The following DPYSL2 variants were observed in gnomAD, a reference collection of about 807,000 sequenced individuals.
The protein encoded by DPYSL2 is dihydropyrimidinase-related protein 2.
Under a neutral mutation model 69.9 loss-of-function variants are expected in DPYSL2, and 13 were observed. That is an observed-to-expected ratio of 0.19 (90% confidence interval 0.12 to 0.30). The LOEUF is 0.30. Among genes scored for constraint, DPYSL2 ranks in the 10% least tolerant of loss-of-function variants. The pLI, the probability that DPYSL2 is intolerant of heterozygous loss-of-function variation, is 1.00. For synonymous variants in DPYSL2, 326 were observed against 359.1 expected (o/e 0.91, Z 1.04); for missense variants, 587 against 918.9 (o/e 0.64, Z 4.67).
intron 1 of DPYSL2, among the ~76,000 whole-genome samples, chr8:26,520,546 C>T (rs780337361): frequency 1.1e-4 from 16 of 151,516 alleles, no homozygotes; most frequent in Non-Finnish European, 2.1e-4. Flanking sequence ...ATGAATGTGC[C>T]CTAAATTGCT....
intron 1 of DPYSL2, among the ~76,000 whole-genome samples, chr8:26,575,912 GGACT>G (rs1414134956): frequency 6.6e-6 from 1 of 152,066 alleles, no homozygotes; most frequent in African/African-American, 2.4e-5. Flanking sequence ...CGCAAAGCTG[GGACT>G]GACTGTTGGT....
At chr8:26,612,087 A>G (rs1802242367) in intron 3 of DPYSL2, among the ~76,000 whole-genome samples, 1 of 152,260 alleles carries the variant, frequency 6.6e-6, no homozygotes, top group Non-Finnish European at 1.5e-5. Context: ...TCTCTCATGT[A>G]GGACTCAGTC....
chr8:26,565,813 G>T lies in DPYSL2; in HGVS notation c.355-16156G>T, dbSNP rs1208823900. On this transcript the variant is annotated intron_variant, in intron 1 of 13. Transcript: ENST00000521913. The surrounding 1 kb of genome is among the most constrained non-coding windows in gnomAD (Gnocchi z 4.1). ...AATTAACTGGAAAGTCAAACTGCTGGTGGTTCTAACATCTTCAACACACAG... is the reference window on the plus strand; with the variant it reads ...AATTAACTGGAAAGTCAAACTGCTGTTGGTTCTAACATCTTCAACACACAG... Among the ~76,000 whole-genome samples the T allele has an allele frequency of 6.6e-6, 1 of 152,180 alleles. No individual in the cohort carries two copies. The highest frequency in any genetic ancestry group is 1.5e-5 in the Non-Finnish European group (1 of 68,032).
intron 3 of DPYSL2, among the ~76,000 whole-genome samples, chr8:26,600,674 G>C (rs1801970733): frequency 1.3e-5 from 2 of 152,130 alleles, no homozygotes; most frequent in Admixed American, 1.3e-4. Flanking sequence ...TGTTTGCAGA[G>C]ATGAGAATGA....
At chr8:26,550,748 C>T (rs1359927942) in intron 1 of DPYSL2, among the ~76,000 whole-genome samples, 1 of 152,080 alleles carries the variant, frequency 6.6e-6, no homozygotes, top group Non-Finnish European at 1.5e-5. Context: ...GCTGGAGAAC[C>T]AGGGAAGCTG....
intron 3 of DPYSL2, among the ~76,000 whole-genome samples, chr8:26,600,453 C>T (rs1471385389): frequency 6.6e-6 from 1 of 152,192 alleles, no homozygotes; most frequent in Non-Finnish European, 1.5e-5. Context: ...TCCTTGCCAA[C>T]ACTTGCTATT....
In DPYSL2 at chr8:26,565,077, C is replaced by T. The variant is rs575806499; in HGVS notation, c.355-16892C>T. Among the ~76,000 whole-genome samples the T allele has an allele frequency of 3.9e-5, 6 of 152,244 alleles. No homozygotes were observed. The highest frequency in any genetic ancestry group is 1.2e-4 in the African/African-American group (5 of 41,542). ...CTTAGAATAATGGCTTCCAGCTCCA[C>T]CCGAATTACTGCAAAAGATATTATA... On this transcript the variant is annotated intron_variant, in intron 1 of 13. Transcript: ENST00000521913. This position sits in a 1 kb window ranked among gnomAD's most constrained non-coding sequence, Gnocchi z 4.1.
At position 26,598,552 on chromosome 8, in the gene DPYSL2, C is replaced by T. The variant is rs1414580796; in HGVS notation, c.628+14569C>T. Among the ~76,000 whole-genome samples, 2 of 152,228 alleles carry T rather than the reference C, an allele frequency of 1.3e-5. No individual in the cohort carries two copies. Among genetic ancestry groups the T allele is most frequent in the East Asian group, 3.8e-4 (2 of 5,196 alleles). ...CCAGCAGAAAGCACCAGGAGACACC[C>T]GATGTGCCCCCACCTTGGTGAGCAC... On this transcript the variant is annotated intron_variant, in intron 3 of 13. Transcript: ENST00000521913. This position sits in a 1 kb window ranked among gnomAD's most constrained non-coding sequence, Gnocchi z 4.2.
intron 1 of DPYSL2, among the ~76,000 whole-genome samples, chr8:26,524,170 C>T (rs940502212): frequency 1.8e-4 from 28 of 152,178 alleles, no homozygotes; most frequent in Admixed American, 3.3e-4. Flanking sequence ...TCCACATCCT[C>T]GCCTATACTT....
At chr8:26,544,300 G>A (rs1180000011) in intron 1 of DPYSL2, among the ~76,000 whole-genome samples, 1 of 152,124 alleles carries the variant, frequency 6.6e-6, no homozygotes, top group Admixed American at 6.5e-5. Flanking sequence ...AAACCCTTTG[G>A]AATTCCTTCT....
Position 26,643,500 on chromosome 8 carries a change from G to C in DPYSL2, c.1188G>C (p.Trp396Cys). Residue 396 changes from tryptophan (W) to cysteine (C), a missense_variant, in exon 9 of 14, where the codon TGG becomes TGC. Coordinates refer to ENST00000521913, the MANE Select transcript of DPYSL2 (RefSeq NM_001197293.3). This position sits in a 1 kb window ranked among gnomAD's most constrained non-coding sequence, Gnocchi z 6.5. ...TGGGAACGGACGGCTCCCATTACTG[G>C]AGCAAGAACTGGGCCAAGGCTGCTG... is the stretch of plus-strand genomic sequence containing the variant. Reference protein sequence around the residue: ...ASLGTDGSHYWSKNWAKAAAF... With the variant: ...ASLGTDGSHYCSKNWAKAAAF... 1 of 1,613,368 alleles carries C rather than the reference G, an allele frequency of 6.2e-7. No individual in the cohort carries two copies. Among genetic ancestry groups the C allele is most frequent in the South Asian group, 1.1e-5 (1 of 90,990 alleles).
chr8:26,596,099 G>C (rs1801856725), intron 3 of DPYSL2, among the ~76,000 whole-genome samples: 1 of 152,138 alleles, frequency 6.6e-6, no homozygotes, highest in South Asian at 2.1e-4. Flanking sequence ...TGTCCCTGAG[G>C]CCTTGACAGA....
intron 11 of DPYSL2, among the ~76,000 whole-genome samples, chr8:26,651,595 A>C (rs1803280007): frequency 6.6e-6 from 1 of 152,208 alleles, no homozygotes; most frequent in Non-Finnish European, 1.5e-5. Flanking sequence ...TTGCTTCATT[A>C]CCAACCACAA....
rs1310931735 is a variant in DPYSL2 at position 26,614,909 on chromosome 8, CT to C, written c.629-9233del. Among the ~76,000 whole-genome samples the C allele has an allele frequency of 6.6e-6, 1 of 152,194 alleles. No homozygotes were observed. Among genetic ancestry groups the C allele is most frequent in the Admixed American group, 6.5e-5 (1 of 15,278 alleles). The stretch of plus-strand genomic sequence containing the variant: ...AGTTATAATATATGAAGGGATAAGA[CT>C]GAATTTCACTTCTCAATTAACTAGC... On this transcript the variant is annotated intron_variant, in intron 3 of 13. Transcript: ENST00000521913. The surrounding 1 kb of genome is among the most constrained non-coding windows in gnomAD (Gnocchi z 4.9).
chr8:26,651,821 A>G (rs6988996), intron 11 of DPYSL2, among the ~76,000 whole-genome samples: 34,075 of 152,082 alleles, frequency 0.22, 5,136 homozygotes, highest in African/African-American at 0.42. Context: ...CAAACAGACT[A>G]GAAAACCAGG....
rs1801887119 is a variant in DPYSL2 at position 26,597,407 on chromosome 8, G to T, written c.628+13424G>T. On this transcript the variant is annotated intron_variant, in intron 3 of 13. Coordinates refer to ENST00000521913, the MANE Select transcript of DPYSL2 (RefSeq NM_001197293.3). This position sits in a 1 kb window ranked among gnomAD's most constrained non-coding sequence, Gnocchi z 5.2. ...GAATCGCTTTGGCGTGGGCTTTTAT[G>T]AGGTTCATTAGGCTCAGCACCTCCC... Among the ~76,000 whole-genome samples, 1 of 152,312 alleles carries T rather than the reference G, an allele frequency of 6.6e-6. No homozygotes were observed. Among genetic ancestry groups the T allele is most frequent in the African/African-American group, 2.4e-5 (1 of 41,580 alleles).
In DPYSL2 at chr8:26,565,536, T is replaced by C. The variant is rs1302612123; in HGVS notation, c.355-16433T>C. On this transcript the variant is annotated intron_variant, in intron 1 of 13. Coordinates refer to ENST00000521913, the MANE Select transcript of DPYSL2 (RefSeq NM_001197293.3). The surrounding 1 kb of genome is among the most constrained non-coding windows in gnomAD (Gnocchi z 4.1). ...AGCCCTTGGAGTGAATGGCTAAAGA[T>C]AAGGGCAGGCCAAGGTCATGGGTCA... Among the ~76,000 whole-genome samples, 1 of 151,992 alleles carries C rather than the reference T, an allele frequency of 6.6e-6. No homozygotes were observed. The highest frequency in any genetic ancestry group is 2.4e-5 in the African/African-American group (1 of 41,372).
chr8:26,651,633 A>G (rs1803280723), intron 11 of DPYSL2, among the ~76,000 whole-genome samples: 2 of 152,236 alleles, frequency 1.3e-5, no homozygotes, highest in East Asian at 1.9e-4. Context: ...GACCCCACCT[A>G]TTTTCCAAGA....
rs1240945016 is a variant in DPYSL2 at position 26,585,087 on chromosome 8, G to A, written c.628+1104G>A. ...GAGGAGGTGGGCAAGCTGCATAGTG[G>A]CCCGTCAGATACATATTTTAAAAAA... On this transcript the variant is annotated intron_variant, in intron 3 of 13. Coordinates refer to ENST00000521913, the MANE Select transcript of DPYSL2 (RefSeq NM_001197293.3). This position sits in a 1 kb window ranked among gnomAD's most constrained non-coding sequence, Gnocchi z 4.0. Among the ~76,000 whole-genome samples the A allele has an allele frequency of 6.6e-6, 1 of 152,090 alleles. No homozygotes were observed. Among genetic ancestry groups the A allele is most frequent in the Non-Finnish European group, 1.5e-5 (1 of 68,028 alleles).
Sources: gnomAD v4.1 joint callset for allele counts (sites outside exome capture counted in the v4.1 genomes callset) on GRCh38, gnomAD v4.1.1 for gene constraint, Gnocchi (gnomAD v3.1) non-coding constraint, MANE v1.5 for transcripts, NCBI Gene and HGNC (gene_info 2026-07-23, HGNC 2026-07-21) for gene names.